SNTG1: variants seen among roughly 807,000 people sequenced by gnomAD.
SNTG1 encodes the protein gamma-1-syntrophin.
In SNTG1, 39 loss-of-function variants were observed where a neutral mutation model predicts 74.7. The ratio of observed to expected loss-of-function variants is 0.52; its 90% confidence interval spans 0.40 to 0.68. The LOEUF (loss-of-function observed/expected upper bound fraction) is 0.68. Ranked by LOEUF, SNTG1 falls within the 30% of genes least tolerant of loss-of-function variation. The pLI is 0.00. For missense variants in SNTG1, 685 were observed against 609.5 expected, an observed-to-expected ratio of 1.12 and a Z score of -1.30; for synonymous variants, 254 against 217.1, an observed-to-expected ratio of 1.17 and a Z score of -1.49.
intron 18 of SNTG1, among the ~76,000 whole-genome samples, chr8:50,772,835 C>T (rs2095630669): frequency 6.6e-6 from 1 of 152,084 alleles, no homozygotes; most frequent in South Asian, 2.1e-4. Flanking sequence ...TGTGGAAATG[C>T]ATTATTTCCC....
intron 1 of SNTG1, among the ~76,000 whole-genome samples, chr8:50,032,201 C>G (rs554906160): frequency 6.6e-6 from 1 of 151,932 alleles, no homozygotes; most frequent in Non-Finnish European, 1.5e-5. Context: ...TTCAGTCTTG[C>G]TACAGATGTG....
intron 2 of SNTG1, among the ~76,000 whole-genome samples, chr8:50,334,266 T>C (rs1393286327): frequency 6.6e-6 from 1 of 152,182 alleles, no homozygotes; most frequent in African/African-American, 2.4e-5. Flanking sequence ...ATTCAGCCTC[T>C]TGCCATGAGC....
intron 4 of SNTG1, among the ~76,000 whole-genome samples, chr8:50,419,818 G>T (rs568391952): frequency 3.3e-5 from 5 of 151,956 alleles, no homozygotes; most frequent in African/African-American, 1.2e-4. Flanking sequence ...AAACAAATGA[G>T]AAAATAGAAT....
At chr8:50,191,532 A>T (rs1187052849) in intron 2 of SNTG1, among the ~76,000 whole-genome samples, 1 of 152,136 alleles carries the variant, frequency 6.6e-6, no homozygotes, top group East Asian at 1.9e-4. Flanking sequence ...CAATCCTCTA[A>T]TACAGAATTA....
chr8:50,072,198 T>C (rs1821429983), intron 1 of SNTG1, among the ~76,000 whole-genome samples: 1 of 152,204 alleles, frequency 6.6e-6, no homozygotes, highest in African/African-American at 2.4e-5. Flanking sequence ...ACAAGTAATA[T>C]ATGAAGTATG....
chr8:50,720,353 T>G (rs2095484839), intron 17 of SNTG1, among the ~76,000 whole-genome samples: 1 of 152,222 alleles, frequency 6.6e-6, no homozygotes, highest in Non-Finnish European at 1.5e-5. Context: ...TAACCTCTTC[T>G]CATTTGTATT....
chr8:50,786,089 G>T (rs1391163599), intron 18 of SNTG1, among the ~76,000 whole-genome samples: 1 of 151,840 alleles, frequency 6.6e-6, no homozygotes, highest in Non-Finnish European at 1.5e-5. Flanking sequence ...TCTAGCCAAG[G>T]ATAGATGATA....
intron 17 of SNTG1, among the ~76,000 whole-genome samples, chr8:50,719,184 A>T (rs915699799): frequency 2.0e-5 from 3 of 152,230 alleles, no homozygotes; most frequent in African/African-American, 7.2e-5. Flanking sequence ...GATTTGAATG[A>T]ATGTGTTCCT....
At chr8:49,974,466 A>G (rs998220402) in intron 1 of SNTG1, among the ~76,000 whole-genome samples, 1 of 152,194 alleles carries the variant, frequency 6.6e-6, no homozygotes, top group East Asian at 1.9e-4. Flanking sequence ...ATATGATGAA[A>G]TCATCTTCAG....
chr8:50,780,554 C>T (rs1226300774), intron 18 of SNTG1, among the ~76,000 whole-genome samples: 1 of 152,104 alleles, frequency 6.6e-6, no homozygotes, highest in African/African-American at 2.4e-5. Flanking sequence ...GTGATATCCC[C>T]TTTATCATTT....
At chr8:49,933,263 G>A (rs937220584) in intron 1 of SNTG1, among the ~76,000 whole-genome samples, 1 of 152,278 alleles carries the variant, frequency 6.6e-6, no homozygotes, top group Middle Eastern at 3.4e-3. Flanking sequence ...CCTCGCCAAT[G>A]CTTGTTAGTG....
intron 2 of SNTG1, among the ~76,000 whole-genome samples, chr8:50,213,755 C>T (rs894653843): frequency 6.6e-5 from 10 of 152,014 alleles, no homozygotes; most frequent in East Asian, 3.9e-4. Flanking sequence ...TCATGTCCTT[C>T]GCCCACCTTT....
chr8:50,425,353 C>T (rs1014608656), intron 4 of SNTG1, among the ~76,000 whole-genome samples: 3 of 151,362 alleles, frequency 2.0e-5, no homozygotes, highest in Non-Finnish European at 2.9e-5. Context: ...GCATCACATT[C>T]TCATAGAAGC....
At chr8:50,027,119 A>G (rs1342816318) in intron 1 of SNTG1, among the ~76,000 whole-genome samples, 1 of 152,122 alleles carries the variant, frequency 6.6e-6, no homozygotes, top group Non-Finnish European at 1.5e-5. Flanking sequence ...TAACCATGTT[A>G]TTTCTGTGTT....
At chr8:50,328,073 T>TTAA (rs2090822595) in intron 2 of SNTG1, among the ~76,000 whole-genome samples, 1 of 152,176 alleles carries the variant, frequency 6.6e-6, no homozygotes, top group Non-Finnish European at 1.5e-5. Context: ...GTTAGATTGA[T>TTAA]TAATAATAAT....
At chr8:50,394,887 T>C (rs2092707975) in intron 3 of SNTG1, among the ~76,000 whole-genome samples, 1 of 151,722 alleles carries the variant, frequency 6.6e-6, no homozygotes, top group South Asian at 2.1e-4. Context: ...ATTCAAAGTA[T>C]TGTGTTTTCA....
At chr8:50,792,217 G>A (rs948140738) in intron 18 of SNTG1, among the ~76,000 whole-genome samples, 5 of 151,382 alleles carry the variant, frequency 3.3e-5, no homozygotes, top group Admixed American at 6.6e-5. Context: ...CTTACTTCTA[G>A]CATTTCTTAT....
intron 2 of SNTG1, among the ~76,000 whole-genome samples, chr8:50,239,348 A>G (rs915118420): frequency 6.6e-6 from 1 of 152,202 alleles, no homozygotes; most frequent in African/African-American, 2.4e-5. Context: ...ATTGTCTCAC[A>G]GTTCTGCATG....
At chr8:50,444,127 GTC>G (rs1352132790) in intron 5 of SNTG1, among the ~76,000 whole-genome samples, 3 of 152,002 alleles carry the variant, frequency 2.0e-5, no homozygotes, top group Admixed American at 6.6e-5. Flanking sequence ...GACACAGTGA[GTC>G]TCTGTTTCAA....
Sources: allele counts gnomAD v4.1 joint callset (sites outside exome capture counted in the v4.1 genomes callset), GRCh38; gene constraint gnomAD v4.1.1; transcripts MANE v1.5; gene names NCBI Gene and HGNC (gene_info 2026-07-23, HGNC 2026-07-21).